The following PPFIA2 variants were observed in gnomAD, a reference collection of about 807,000 sequenced individuals.
PPFIA2 encodes the protein liprin-alpha-2.
Under a neutral mutation model 175.5 loss-of-function variants are expected in PPFIA2, and 46 were observed. That is an observed-to-expected ratio of 0.26 (90% CI 0.21 to 0.34). PPFIA2 has a LOEUF of 0.34. Among genes scored for constraint, PPFIA2 ranks in the 10% least tolerant of loss-of-function variants. PPFIA2 has a pLI of 1.00. For missense variants in PPFIA2, 1,179 were observed against 1,506.1 expected, an observed-to-expected ratio of 0.78 and a Z score of 3.60; for synonymous variants, 568 against 511.4, an observed-to-expected ratio of 1.11 and a Z score of -1.49.
intron 25 of PPFIA2, among the ~76,000 whole-genome samples, chr12:81,283,491 C>A (rs926939964): frequency 2.0e-5 from 3 of 151,838 alleles, no homozygotes; most frequent in Non-Finnish European, 4.4e-5. Context: ...CAACAGCCAA[C>A]AAAACAAAAC....
At chr12:81,581,015 G>A (rs902553917) in intron 4 of PPFIA2, among the ~76,000 whole-genome samples, 1 of 151,802 alleles carries the variant, frequency 6.6e-6, no homozygotes, top group African/African-American at 2.4e-5. Context: ...TTGAGGGACT[G>A]TGACACATTC....
intron 3 of PPFIA2, among the ~76,000 whole-genome samples, chr12:81,746,018 T>C (rs2083018436): frequency 9.2e-6 from 1 of 108,962 alleles, no homozygotes; most frequent in African/African-American, 2.6e-5. Flanking sequence ...AAATATGGAG[T>C]TTGAGTTAAG....
intron 4 of PPFIA2, among the ~76,000 whole-genome samples, chr12:81,621,716 G>A (rs1272787902): frequency 6.6e-6 from 1 of 152,164 alleles, no homozygotes; most frequent in African/African-American, 2.4e-5. Context: ...CTAAAGAAAT[G>A]AAAGAATCAG....
chr12:81,577,597 A>G (rs1172194060), intron 4 of PPFIA2, among the ~76,000 whole-genome samples: 1 of 151,912 alleles, frequency 6.6e-6, no homozygotes. Context: ...CATTAAATTG[A>G]TTGAATGTGA....
chr12:81,322,785 A>T (rs1303863484), intron 22 of PPFIA2, among the ~76,000 whole-genome samples: 1 of 152,178 alleles, frequency 6.6e-6, no homozygotes, highest in Non-Finnish European at 1.5e-5. Context: ...TCAGGAAGGT[A>T]AAGATGGACA....
At position 81,642,794 on chromosome 12, in the gene PPFIA2, T is replaced by C. The variant is rs1237531976; in HGVS notation, c.303+33997A>G. 6.2e-3 allele frequency among the ~76,000 whole-genome samples: 219 copies of C among 35,470 alleles called. 47 individuals are homozygous for C. The highest frequency in any genetic ancestry group is 9.0e-3 in the Non-Finnish European group (172 of 19,028). The allele number at this position is 35,470 out of a possible 152,430, so 23.3% of individuals were successfully genotyped here. A position where few individuals can be genotyped will look rare whatever the true frequency, so the allele number is the denominator to read the frequency against. ...TATGTATGTATTATATACATACATG[T>C]ATATGTATGTATGTATTACATACAT... is the stretch of plus-strand genomic sequence containing the variant. On this transcript the variant is annotated intron_variant, in intron 4 of 32. Transcript: ENST00000549396.
chr12:81,344,778 C>T, intron 18 of PPFIA2, 85 bp from the exon 19 acceptor site: 1 of 940,330 alleles, frequency 1.1e-6, no homozygotes, highest in African/African-American at 1.7e-5. Flanking sequence ...TAAATAGTGT[C>T]TACAACTTGA....
At chr12:81,536,685 A>G (rs1273075228) in intron 4 of PPFIA2, among the ~76,000 whole-genome samples, 2 of 145,774 alleles carry the variant, frequency 1.4e-5, no homozygotes, top group Admixed American at 1.4e-4. Flanking sequence ...CAATTAATAT[A>G]TACATGCTAT....
intron 7 of PPFIA2, among the ~76,000 whole-genome samples, chr12:81,438,143 T>C (rs1308787145): frequency 1.3e-5 from 2 of 152,148 alleles, no homozygotes; most frequent in Non-Finnish European, 2.9e-5. Context: ...AAAGCATATA[T>C]ACACTCATTT....
At chr12:81,678,100 C>T (rs943146810) in intron 3 of PPFIA2, among the ~76,000 whole-genome samples, 2 of 151,740 alleles carry the variant, frequency 1.3e-5, no homozygotes, top group Non-Finnish European at 2.9e-5. Context: ...CACTTCTTGG[C>T]TAAAAATGTT....
chr12:81,680,923 T>G (rs2073497756), intron 3 of PPFIA2, among the ~76,000 whole-genome samples: 1 of 152,024 alleles, frequency 6.6e-6, no homozygotes, highest in South Asian at 2.1e-4. Flanking sequence ...TGCACTTGTA[T>G]AATCTTGATA....
chr12:81,605,629 GTCTA>G (rs1485442402), intron 4 of PPFIA2, among the ~76,000 whole-genome samples: 1 of 149,554 alleles, frequency 6.7e-6, no homozygotes, highest in Non-Finnish European at 1.5e-5. Context: ...TAGCCTGTCT[GTCTA>G]TCCATCCATC....
chr12:81,494,223 C>T (rs2059767031), intron 4 of PPFIA2, among the ~76,000 whole-genome samples: 1 of 151,866 alleles, frequency 6.6e-6, no homozygotes, highest in Non-Finnish European at 1.5e-5. Context: ...CCAGAATCTA[C>T]AATGAACTCA....
At chr12:81,738,789 G>A (rs190351270) in intron 3 of PPFIA2, among the ~76,000 whole-genome samples, 37 of 151,750 alleles carry the variant, frequency 2.4e-4, no homozygotes, top group African/African-American at 8.7e-4. Context: ...TAAAGAGAAA[G>A]ATTATCAGTC....
intron 32 of PPFIA2, chr12:81,260,653 A>C (rs2035141917): frequency 6.6e-6 from 1 of 152,188 alleles, no homozygotes; most frequent in Non-Finnish European, 1.5e-5. Context: ...AGCTTCAAAT[A>C]GTGATCCAAA....
intron 8 of PPFIA2, among the ~76,000 whole-genome samples, chr12:81,385,880 G>A (rs2038825963): frequency 6.6e-6 from 1 of 152,144 alleles, no homozygotes; most frequent in African/African-American, 2.4e-5. Context: ...ATAAGTGAGT[G>A]AGTGATGGAT....
At chr12:81,621,484 G>T (rs1401471324) in intron 4 of PPFIA2, among the ~76,000 whole-genome samples, 1 of 152,206 alleles carries the variant, frequency 6.6e-6, no homozygotes, top group African/African-American at 2.4e-5. Flanking sequence ...AAATGACCAA[G>T]ATTTTGAAAG....
intron 4 of PPFIA2, among the ~76,000 whole-genome samples, chr12:81,615,000 TG>T (rs2153473669): frequency 6.6e-6 from 1 of 152,316 alleles, no homozygotes; most frequent in South Asian, 2.1e-4. Context: ...ATCTTGGTAC[TG>T]CTTTGTGTGA....
intron 4 of PPFIA2, chr12:81,465,244 T>C (rs1304731687): frequency 1.3e-5 from 2 of 152,234 alleles, no homozygotes; most frequent in Non-Finnish European, 2.9e-5. Context: ...TGCAGCCATC[T>C]ATCTGAGTAA....
Sources: allele counts gnomAD v4.1 joint callset (sites outside exome capture counted in the v4.1 genomes callset), GRCh38; gene constraint gnomAD v4.1.1; transcripts MANE v1.5; gene names NCBI Gene and HGNC (gene_info 2026-07-23, HGNC 2026-07-21).